KIRREL3: variants seen among roughly 807,000 people sequenced by gnomAD.
KIRREL3 encodes the protein kin of IRRE-like protein 3.
In KIRREL3, 36 loss-of-function variants were observed where a neutral mutation model predicts 89.7. The ratio of observed to expected loss-of-function variants is 0.40; its 90% CI spans 0.31 to 0.53. The LOEUF is 0.53. Ranked by LOEUF, KIRREL3 falls within the 20% of genes least tolerant of loss-of-function variation. The probability of loss-of-function intolerance (pLI) is 0.49; values close to 1 mark genes in which losing one functional copy is unlikely to be tolerated. For synonymous variants in KIRREL3, 445 were observed against 441.4 expected, an observed-to-expected ratio of 1.01 and a Z score of -0.10; for missense variants, 864 against 1,056.6, an observed-to-expected ratio of 0.82 and a Z score of 2.53.
At chr11:126,895,757 A>G (rs1946130668) in intron 1 of KIRREL3, among the ~76,000 whole-genome samples, 1 of 152,110 alleles carries the variant, frequency 6.6e-6, no homozygotes, top group Non-Finnish European at 1.5e-5. Context: ...TTGGAGCTTC[A>G]CAGGGTCACC....
At position 126,773,093 on chromosome 11, in the gene KIRREL3, T is replaced by A. The variant is rs1248059061; in HGVS notation, c.56-210181A>T. On this transcript the variant is annotated intron_variant, in intron 1 of 16. Coordinates refer to ENST00000525144, the MANE Select transcript of KIRREL3 (RefSeq NM_032531.4). The surrounding 1 kb of genome is among the most constrained non-coding windows in gnomAD (Gnocchi z 4.2). ...CCAAAGCCATTAGCTCCTAAAATAC[T>A]GGGAATGAGGGAATCTTCAAAATCA... is the stretch of plus-strand genomic sequence containing the variant. Among the ~76,000 whole-genome samples the A allele has an allele frequency of 6.6e-6, 1 of 152,180 alleles. No individual in the cohort carries two copies. Among genetic ancestry groups the A allele is most frequent in the East Asian group, 1.9e-4 (1 of 5,196 alleles).
In KIRREL3 at chr11:126,684,589, C is replaced by A. The variant is rs944514565; in HGVS notation, c.56-121677G>T. ...TTTACCCTACCAGGCCAGTCAGAAT[C>A]GACTCACTGATGATCAAAAAAGAGA... On this transcript the variant is annotated intron_variant, in intron 1 of 16. Transcript: ENST00000525144. This position sits in a 1 kb window ranked among gnomAD's most constrained non-coding sequence, Gnocchi z 4.2. 2.0e-5 allele frequency among the ~76,000 whole-genome samples: 3 copies of A among 152,152 alleles called. No individual in the cohort carries two copies. The highest frequency in any genetic ancestry group is 7.2e-5 in the African/African-American group (3 of 41,438).
chr11:126,728,059 G>A (rs1312139676), intron 1 of KIRREL3, among the ~76,000 whole-genome samples: 1 of 152,156 alleles, frequency 6.6e-6, no homozygotes. Context: ...CTGGGACAAA[G>A]GCAATCCATT....
At chr11:126,487,147 A>G (rs980713266) in intron 4 of KIRREL3, among the ~76,000 whole-genome samples, 12 of 152,178 alleles carry the variant, frequency 7.9e-5, no homozygotes, top group Non-Finnish European at 1.2e-4. Flanking sequence ...TTCTTTTGAG[A>G]TGACAGATTA....
At chr11:126,439,162 C>G (rs998962809) in intron 11 of KIRREL3, among the ~76,000 whole-genome samples, 1 of 152,110 alleles carries the variant, frequency 6.6e-6, no homozygotes, top group African/African-American at 2.4e-5. Flanking sequence ...GAAACCTTAT[C>G]TACTAAAAAT....
Position 126,541,871 on chromosome 11 carries a change from G to T in KIRREL3, c.134-15184C>A, listed in dbSNP as rs1310521207. Among the ~76,000 whole-genome samples the T allele has an allele frequency of 6.6e-6, 1 of 152,196 alleles. No individual in the cohort carries two copies. The highest frequency in any genetic ancestry group is 1.5e-5 in the Non-Finnish European group (1 of 68,042). On this transcript the variant is annotated intron_variant, in intron 2 of 16. Transcript: ENST00000525144. The surrounding 1 kb of genome is among the most constrained non-coding windows in gnomAD (Gnocchi z 4.8). ...TGCGCATTGATGTTCCCACTGCACA[G>T]TGAAGGCATTTTCACACCTTTTGAA...
intron 4 of KIRREL3, among the ~76,000 whole-genome samples, chr11:126,478,184 GCT>G (rs5795498): frequency 0.026 from 4,018 of 152,268 alleles, 163 homozygotes; most frequent in African/African-American, 0.087. Flanking sequence ...TGTCTGTAAC[GCT>G]CTTTCCTGTT....
At chr11:126,865,863 T>C (rs4937213) in intron 1 of KIRREL3, among the ~76,000 whole-genome samples, 123,420 of 152,040 alleles carry the variant, frequency 0.81, 50,258 homozygotes, top group East Asian at 1. Flanking sequence ...ATGTTTTTTC[T>C]TTCTTTTTTT....
At chr11:126,732,924 C>T (rs1948679490) in intron 1 of KIRREL3, among the ~76,000 whole-genome samples, 1 of 152,226 alleles carries the variant, frequency 6.6e-6, no homozygotes, top group Non-Finnish European at 1.5e-5. Flanking sequence ...ACTCAAAGGG[C>T]TTGCCCTCCC....
chr11:126,914,439 G>A (rs1946956040), intron 1 of KIRREL3, among the ~76,000 whole-genome samples: 1 of 152,250 alleles, frequency 6.6e-6, no homozygotes, highest in African/African-American at 2.4e-5. Flanking sequence ...TACAGAGAGT[G>A]CAGAATCCTG....
At position 126,795,895 on chromosome 11, in the gene KIRREL3, G is replaced by A. The variant is rs556718523; in HGVS notation, c.55+204560C>T. 4.6e-5 allele frequency among the ~76,000 whole-genome samples: 7 copies of A among 152,160 alleles called. No homozygotes were observed. The highest frequency in any genetic ancestry group is 2.1e-4 in the South Asian group (1 of 4,810). Reference sequence around the variant, plus strand: ...GGCCAGCCTCCGTACTGCCAGGCTCGTCCTCACCCTGGGTAAAGGCTCATG... The same window carrying A: ...GGCCAGCCTCCGTACTGCCAGGCTCATCCTCACCCTGGGTAAAGGCTCATG... On this transcript the variant is annotated intron_variant, in intron 1 of 16. Coordinates refer to ENST00000525144, the MANE Select transcript of KIRREL3 (RefSeq NM_032531.4). This position sits in a 1 kb window ranked among gnomAD's most constrained non-coding sequence, Gnocchi z 4.1.
In KIRREL3 at chr11:126,697,024, C is replaced by T. The variant is rs887304507; in HGVS notation, c.56-134112G>A. On this transcript the variant is annotated intron_variant, in intron 1 of 16. Transcript: ENST00000525144. The surrounding 1 kb of genome is among the most constrained non-coding windows in gnomAD (Gnocchi z 4.2). ...AAATAAGTGTCATCTCCTTCCTTTC[C>T]AGCCTCTGCCTGCACAAACCCACTG... Among the ~76,000 whole-genome samples, 1 of 152,152 alleles carries T rather than the reference C, an allele frequency of 6.6e-6. No homozygotes were observed. The highest frequency in any genetic ancestry group is 1.5e-5 in the Non-Finnish European group (1 of 68,040).
chr11:126,652,219 G>T lies in KIRREL3; in HGVS notation c.56-89307C>A, dbSNP rs969842408. Among the ~76,000 whole-genome samples, 14 of 152,114 alleles carry T rather than the reference G, an allele frequency of 9.2e-5. No homozygotes were observed. Among genetic ancestry groups the T allele is most frequent in the Admixed American group, 2.0e-4 (3 of 15,260 alleles). ...GATGGGCTTCTTTGGTTGAGTTCCG[G>T]TGTCTGTTAACCCCCCACCCCTTGT... On this transcript the variant is annotated intron_variant, in intron 1 of 16. Coordinates refer to ENST00000525144, the MANE Select transcript of KIRREL3 (RefSeq NM_032531.4). The surrounding 1 kb of genome is among the most constrained non-coding windows in gnomAD (Gnocchi z 4.9).
chr11:126,922,630 C>T (rs941452750), intron 1 of KIRREL3, among the ~76,000 whole-genome samples: 7 of 152,048 alleles, frequency 4.6e-5, no homozygotes, highest in African/African-American at 9.7e-5. Flanking sequence ...TTACCATCTC[C>T]CCTTCTTCTC....
chr11:126,444,430 G>A (rs1422840022), intron 10 of KIRREL3, among the ~76,000 whole-genome samples: 1 of 152,130 alleles, frequency 6.6e-6, no homozygotes, highest in Admixed American at 6.5e-5. Flanking sequence ...GTTAGGAGTT[G>A]GAGACCAACA....
chr11:126,562,481 A>G lies in KIRREL3; in HGVS notation c.133+354T>C, dbSNP rs7945346. 0.23 allele frequency among the ~76,000 whole-genome samples: 34,604 copies of G among 152,132 alleles called. 4,556 individuals carry two copies. The highest frequency in any genetic ancestry group is 0.35 in the African/African-American group (14,635 of 41,466). On this transcript the variant is annotated intron_variant, in intron 2 of 16. Coordinates refer to ENST00000525144, the MANE Select transcript of KIRREL3 (RefSeq NM_032531.4). The surrounding 1 kb of genome is among the most constrained non-coding windows in gnomAD (Gnocchi z 4.7). ...AGAAACATGAGTGATGGAGGAGGCA[A>G]GTAGAGAGGTCTGGATTAGAAATGA...
rs1367167830 is a variant in KIRREL3 at position 126,525,056 on chromosome 11, G to A, written c.283+1482C>T. 1.3e-5 allele frequency among the ~76,000 whole-genome samples: 2 copies of A among 152,194 alleles called. No homozygotes were observed. Among genetic ancestry groups the A allele is most frequent in the African/African-American group, 2.4e-5 (1 of 41,450 alleles). On this transcript the variant is annotated intron_variant, in intron 3 of 16. Coordinates refer to ENST00000525144, the MANE Select transcript of KIRREL3 (RefSeq NM_032531.4). This position sits in a 1 kb window ranked among gnomAD's most constrained non-coding sequence, Gnocchi z 5.4. ...GCCATTGTTCTGCAGCCCTAAGCAG[G>A]TACCAGTCCTGGATCCCAGAAAGCC...
In KIRREL3 at chr11:126,686,256, G is replaced by A. The variant is rs1037585708; in HGVS notation, c.56-123344C>T. Among the ~76,000 whole-genome samples, 2 of 152,170 alleles carry A rather than the reference G, an allele frequency of 1.3e-5. No homozygotes were observed. The highest frequency in any genetic ancestry group is 2.9e-5 in the Non-Finnish European group (2 of 68,028). Reference sequence around the variant, plus strand: ...GGAGGCAGGTCTCCATGGATTGTACGGCTTTCCCAAGGCCTGCTCCAGACT... The same window carrying A: ...GGAGGCAGGTCTCCATGGATTGTACAGCTTTCCCAAGGCCTGCTCCAGACT... On this transcript the variant is annotated intron_variant, in intron 1 of 16. Coordinates refer to ENST00000525144, the MANE Select transcript of KIRREL3 (RefSeq NM_032531.4). The surrounding 1 kb of genome is among the most constrained non-coding windows in gnomAD (Gnocchi z 4.7).
chr11:126,757,012 T>A (rs1949525639), intron 1 of KIRREL3, among the ~76,000 whole-genome samples: 2 of 152,092 alleles, frequency 1.3e-5, no homozygotes, highest in South Asian at 2.1e-4. Context: ...ATTCTCACAT[T>A]TTTATATGCC....
Sources: gnomAD v4.1 joint callset for allele counts (sites outside exome capture counted in the v4.1 genomes callset) on GRCh38, gnomAD v4.1.1 for gene constraint, Gnocchi (gnomAD v3.1) non-coding constraint, MANE v1.5 for transcripts, NCBI Gene and HGNC (gene_info 2026-07-23, HGNC 2026-07-21) for gene names.